Variants in ARRDC2 observed in about 807,000 individuals in gnomAD.
ARRDC2 encodes the protein arrestin domain containing 2, also known as arrestin domain-containing protein 2.
In ARRDC2, 39 loss-of-function variants were observed where a neutral mutation model predicts 38.9. The ratio of observed to expected loss-of-function variants is 1.00; its 90% CI spans 0.78 to 1.31. The LOEUF is 1.31. Among genes scored for constraint, ARRDC2 ranks in the 50% most tolerant of loss-of-function variants. ARRDC2 has a pLI of 0.00. For synonymous variants in ARRDC2, 300 were observed against 261.9 expected (o/e 1.15, Z -1.41); for missense variants, 553 against 588.4 (o/e 0.94, Z 0.62).
chr19:18,008,324 A>G lies in ARRDC2; in HGVS notation c.14A>G (p.Lys5Arg), dbSNP rs1339578831. ...ACCCCGGACGCGATGCTATTCGACAAGGTGAAAGCGTTCTCGGTGCAGTTG... is the reference window on the plus strand; with the variant it reads ...ACCCCGGACGCGATGCTATTCGACAGGGTGAAAGCGTTCTCGGTGCAGTTG... MLFD[K>R]VKAFSVQLDG... The change falls in exon 1 of 8, where the codon AAG (lysine) becomes AGG (arginine). Residue 5 changes from lysine to arginine, a missense_variant. Coordinates refer to ENST00000222250, the MANE Select transcript of ARRDC2 (RefSeq NM_015683.2). 10 of 1,595,878 alleles carry G rather than the reference A, an allele frequency of 6.3e-6. No individual in the cohort carries two copies. Among genetic ancestry groups the G allele is most frequent in the African/African-American group, 1.3e-5 (1 of 74,518 alleles).
At chr19:18,008,166 C>T (rs2033320700), upstream of ARRDC2, 16 of 1,360,636 alleles carry the variant, frequency 1.2e-5, no homozygotes, top group Non-Finnish European at 1.5e-5. Context: ...ACGCACGGCG[C>T]GGGGATTTTC....
rs1046726985 is a variant in ARRDC2 at position 18,008,733 on chromosome 19, G to A, written c.297G>A (p.Leu99=). The A allele has an allele frequency of 6.2e-7, 1 of 1,613,398 alleles. No individual in the cohort carries two copies. The highest frequency in any genetic ancestry group is 1.3e-5 in the African/African-American group (1 of 74,912). ...LAPDTGETTT[L]PPGRHEFLFS... is the part of the protein sequence containing the mutation. ...CAGATACCGGGGAGACCACGACGCT[G>A]CCTCCTGGGCGCCATGAGTTCCTGT... Residue 99 remains leucine, a synonymous_variant, in exon 2 of 8, where the codon CTG becomes CTA. Transcript: ENST00000222250.
At chr19:18,005,407 G>A (rs889941742), upstream of ARRDC2, among the ~76,000 whole-genome samples, 375 of 152,186 alleles carry the variant, frequency 2.5e-3, 2 homozygotes, top group African/African-American at 8.7e-3. Context: ...CACAGACACG[G>A]CAACCATCCG....
At chr19:18,008,896 G>A in intron 2 of ARRDC2, 75 bp from the exon 3 acceptor site, 2 of 1,600,898 alleles carry the variant, frequency 1.2e-6, no homozygotes, top group African/African-American at 2.7e-5. Context: ...GAGGCCCCCG[G>A]AGTGTCTGTG....
chr19:18,005,518 ACGGGGTGGTGGCC>A (rs770869429), upstream of ARRDC2, among the ~76,000 whole-genome samples: 3,440 of 151,582 alleles, frequency 0.023, 58 homozygotes, highest in East Asian at 0.12. Flanking sequence ...CACCTCCCAG[ACGGGGTGGTGGCC>A]GGGCAGAGGG....
upstream of ARRDC2, chr19:18,008,169 G>A (rs565569235): frequency 5.3e-4 from 760 of 1,444,492 alleles, 2 homozygotes; most frequent in Non-Finnish European, 6.5e-4. Flanking sequence ...CACGGCGCGG[G>A]GATTTTCTGC....
upstream of ARRDC2, among the ~76,000 whole-genome samples, chr19:18,006,453 C>G (rs576768007): frequency 6.6e-6 from 1 of 152,198 alleles, no homozygotes; most frequent in East Asian, 1.9e-4. Flanking sequence ...AGCGAAACCC[C>G]TTCTCCACCA....
At chr19:18,007,864 C>T (rs2033310569), upstream of ARRDC2, 1 of 235,700 alleles carries the variant, frequency 4.2e-6, no homozygotes, top group Non-Finnish European at 8.4e-6. Flanking sequence ...AGCCGAGAGG[C>T]TGAAGGCTCT....
intron 7 of ARRDC2, among the ~76,000 whole-genome samples, chr19:18,011,084 C>T (rs1440672272): frequency 1.3e-5 from 2 of 152,118 alleles, no homozygotes; most frequent in African/African-American, 2.4e-5. Context: ...CTTCAACTTC[C>T]GCATCCCTGG....
upstream of ARRDC2, among the ~76,000 whole-genome samples, chr19:18,006,811 C>T (rs1359824300): frequency 6.6e-6 from 1 of 152,208 alleles, no homozygotes; most frequent in African/African-American, 2.4e-5. Context: ...GGCGCTGGCT[C>T]AGTAGTCCCT....
intron 3 of ARRDC2, 114 bp downstream of exon 3, chr19:18,009,232 G>A: frequency 7.8e-7 from 1 of 1,290,056 alleles, no homozygotes; most frequent in South Asian, 1.4e-5. Flanking sequence ...CTGGCAGGGA[G>A]GGAGGCAGGT....
rs751170141 is a variant in ARRDC2 at position 18,008,515 on chromosome 19, A to T, written c.205A>T (p.Thr69Ser). The T allele has an allele frequency of 6.5e-7, 1 of 1,537,340 alleles. No individual in the cohort carries two copies. The highest frequency in any genetic ancestry group is 1.2e-5 in the South Asian group (1 of 85,328). ...CGAGTCGCGCAGCGCGGGCTCGAGC[A>T]CGGCTTACACGCAGAGCTACAGTGA... ...WTESRSAGSS[T>S]AYTQSYSERV... Residue 69 changes from threonine (T) to serine (S), a missense_variant, in exon 1 of 8, where the codon ACG (threonine) becomes TCG (serine). Physicochemically the swap from Thr to Ser is moderately conservative, Grantham distance 58. Transcript: ENST00000222250.
At chr19:18,004,449 G>A (rs1327171684), upstream of ARRDC2, among the ~76,000 whole-genome samples, 4 of 149,138 alleles carry the variant, frequency 2.7e-5, no homozygotes, top group African/African-American at 7.4e-5. Context: ...GTGTCTCCAT[G>A]TTGGTCAGGC....
upstream of ARRDC2, among the ~76,000 whole-genome samples, chr19:18,004,107 GCAGTGGCTTATGCCTGTAATCC>G (rs1248607569): frequency 2.0e-5 from 3 of 148,746 alleles, no homozygotes; most frequent in African/African-American, 7.4e-5. Context: ...TTGGCTGGGC[GCAGTGGCTTATGCCTGTAATCC>G]CAGTACTTTG....
chr19:18,013,979 A>G lies in ARRDC2; in HGVS notation c.*1013A>G, dbSNP rs962423712. 2.0e-5 allele frequency: 3 copies of G among 152,136 alleles called. No homozygotes were observed. Among genetic ancestry groups the G allele is most frequent in the East Asian group, 3.9e-4 (2 of 5,182 alleles). The allele number at this position is 152,136 out of a possible 1,614,324, so 9.4% of individuals were successfully genotyped here. ...GAGGGGGCAGCTGGACAAGCTCCCA[A>G]CTGCAGAGTCCCAGCCCTGGCTGGG... On this transcript the variant is annotated 3_prime_UTR_variant, in exon 8 of 8. Transcript: ENST00000222250.
In ARRDC2 at chr19:18,010,030, C is replaced by A. The variant is rs1250719150; in HGVS notation, c.840C>A (p.Tyr280Ter). 6.2e-7 allele frequency: 1 copy of A among 1,602,856 alleles called. No individual in the cohort carries two copies. The highest frequency in any genetic ancestry group is 1.3e-5 in the African/African-American group (1 of 74,898). The change falls in exon 5 of 8, where the codon TAC becomes TAA. Residue 280 changes from tyrosine to a stop codon, truncating the protein, a stop_gained. Coordinates refer to ENST00000222250, the MANE Select transcript of ARRDC2 (RefSeq NM_015683.2). LOFTEE classifies it high-confidence loss of function. Reference sequence around the variant, plus strand: ...ACTGCCGCGTTCTACACGTGGACTACGCACTCAAGGTAGGGCATCCTGCTG... The same window carrying A: ...ACTGCCGCGTTCTACACGTGGACTAAGCACTCAAGGTAGGGCATCCTGCTG... ...ILHCRVLHVD[Y>*]ALKVCVDIPG...
upstream of ARRDC2, among the ~76,000 whole-genome samples, chr19:18,005,224 T>C (rs1429222261): frequency 6.6e-6 from 1 of 151,780 alleles, no homozygotes; most frequent in Non-Finnish European, 1.5e-5. Flanking sequence ...AGCATCTGTT[T>C]AACAAAGCAC....
chr19:18,005,802 C>T (rs555220749), upstream of ARRDC2, among the ~76,000 whole-genome samples: 762 of 151,996 alleles, frequency 5.0e-3, 10 homozygotes, highest in African/African-American at 0.017. Flanking sequence ...GGGTGGCTGC[C>T]GGGCGGAGAA....
At chr19:18,001,403 G>T (rs1197227984) in exon 1 of ARRDC2, 1 of 1,220,602 alleles carries the variant, frequency 8.2e-7, no homozygotes, top group African/African-American at 1.6e-5. Flanking sequence ...CTGTGCGGCC[G>T]GGTGCTGCTG....
Sources: allele counts gnomAD v4.1 joint callset (sites outside exome capture counted in the v4.1 genomes callset), GRCh38; gene constraint gnomAD v4.1.1; transcripts MANE v1.5; gene names NCBI Gene and HGNC (gene_info 2026-07-23, HGNC 2026-07-21).